The following FSTL4 variants were observed in gnomAD, a reference collection of about 807,000 sequenced individuals.
FSTL4 encodes the protein follistatin like 4, also known as follistatin-related protein 4.
A neutral mutation model predicts 78.2 loss-of-function variants in FSTL4; 28 were observed. That is an observed-to-expected ratio of 0.36 (90% CI 0.27 to 0.49). FSTL4 has a LOEUF of 0.49. Among genes scored for constraint, FSTL4 ranks in the 20% least tolerant of loss-of-function variants. FSTL4 has a pLI of 0.98. For synonymous variants in FSTL4, 422 were observed against 440.5 expected (o/e 0.96, Z 0.53); for missense variants, 922 against 1,084.9 (o/e 0.85, Z 2.11).
chr5:133,833,166 G>A, the FSTL4 span, among the ~76,000 whole-genome samples: 1 of 152,142 alleles, frequency 6.6e-6, no homozygotes. Flanking sequence ...GAGGAGCAGA[G>A]CCCACAGTCA....
intron 4 of FSTL4, among the ~76,000 whole-genome samples, chr5:133,343,242 G>A (rs1196403481): frequency 2.6e-5 from 4 of 152,212 alleles, no homozygotes; most frequent in African/African-American, 9.7e-5. Context: ...CTGTGAGGAG[G>A]ACAGAGGGAG....
intron 3 of FSTL4, among the ~76,000 whole-genome samples, chr5:133,513,617 A>G (rs78001359): frequency 1.9e-3 from 282 of 152,308 alleles, no homozygotes; most frequent in African/African-American, 6.6e-3. Context: ...TCAGCCATCC[A>G]CATGGACAGA....
At chr5:133,675,394 G>A in the FSTL4 span, among the ~76,000 whole-genome samples, 2 of 152,360 alleles carry the variant, frequency 1.3e-5, no homozygotes, top group Admixed American at 1.3e-4. Context: ...TTTTAAACCA[G>A]CCATTCTTTG....
chr5:133,761,768 T>C, the FSTL4 span, among the ~76,000 whole-genome samples: 4 of 152,222 alleles, frequency 2.6e-5, no homozygotes, highest in Non-Finnish European at 5.9e-5. Flanking sequence ...AAAGAGGCTG[T>C]AATGATGGCA....
intron 3 of FSTL4, among the ~76,000 whole-genome samples, chr5:133,446,877 T>C (rs995700140): frequency 6.6e-6 from 1 of 152,234 alleles, no homozygotes; most frequent in Non-Finnish European, 1.5e-5. Context: ...TCAGGCACTC[T>C]GACCATCCAT....
chr5:133,636,971 T>C, the FSTL4 span, among the ~76,000 whole-genome samples: 1 of 152,118 alleles, frequency 6.6e-6, no homozygotes, highest in African/African-American at 2.4e-5. Flanking sequence ...ACACAGCTGG[T>C]AAGGAACATA....
At chr5:133,268,544 C>T (rs1752693631) in intron 6 of FSTL4, among the ~76,000 whole-genome samples, 1 of 152,122 alleles carries the variant, frequency 6.6e-6, no homozygotes, top group Non-Finnish European at 1.5e-5. Flanking sequence ...TGGTGGAGGC[C>T]CGGCTCATTT....
At chr5:133,757,045 AT>A in the FSTL4 span, among the ~76,000 whole-genome samples, 1 of 152,264 alleles carries the variant, frequency 6.6e-6, no homozygotes, top group Non-Finnish European at 1.5e-5. Context: ...GCTTACAAGA[AT>A]CCTGGGCAAT....
intron 4 of FSTL4, among the ~76,000 whole-genome samples, chr5:133,332,723 GT>G (rs201166988): frequency 0.014 from 2,206 of 152,332 alleles, 71 homozygotes; most frequent in African/African-American, 0.049. Context: ...AAATCATCTG[GT>G]AAGTGAGGCT....
intron 3 of FSTL4, among the ~76,000 whole-genome samples, chr5:133,490,931 T>C (rs1318405245): frequency 1.3e-5 from 2 of 152,122 alleles, no homozygotes; most frequent in African/African-American, 2.4e-5. Context: ...AAAGGAACAA[T>C]AGACACCAGA....
At chr5:133,404,793 G>C (rs1325181137) in intron 3 of FSTL4, among the ~76,000 whole-genome samples, 4 of 152,194 alleles carry the variant, frequency 2.6e-5, no homozygotes, top group African/African-American at 4.8e-5. Flanking sequence ...CATCCACATG[G>C]AGCAGGAAGC....
chr5:133,423,205 C>A (rs1434063667), intron 3 of FSTL4, among the ~76,000 whole-genome samples: 1 of 152,226 alleles, frequency 6.6e-6, no homozygotes, highest in African/African-American at 2.4e-5. Context: ...TGTTTCCTGG[C>A]CCCTTTTGAC....
intron 8 of FSTL4, among the ~76,000 whole-genome samples, chr5:133,229,945 G>A (rs562256537): frequency 6.6e-6 from 1 of 152,326 alleles, no homozygotes; most frequent in Admixed American, 6.5e-5. Context: ...AGCTTTGGGA[G>A]CACAGGGACA....
At chr5:133,635,322 GCA>G in the FSTL4 span, among the ~76,000 whole-genome samples, 1 of 152,240 alleles carries the variant, frequency 6.6e-6, no homozygotes, top group Non-Finnish European at 1.5e-5. Context: ...CCTCCAGAGA[GCA>G]CTGCACTTAC....
chr5:133,609,131 C>T (rs1030318814), intron 1 of FSTL4, among the ~76,000 whole-genome samples: 3 of 152,136 alleles, frequency 2.0e-5, no homozygotes, highest in African/African-American at 7.2e-5. Context: ...ACAGAAATGG[C>T]TTCTTTTTGT....
chr5:133,232,993 G>A (rs1751539718), intron 8 of FSTL4, among the ~76,000 whole-genome samples: 1 of 152,232 alleles, frequency 6.6e-6, no homozygotes, highest in Admixed American at 6.5e-5. Context: ...AGGAAATAGA[G>A]CCTCCTAATT....
At chr5:133,790,054 T>C in the FSTL4 span, among the ~76,000 whole-genome samples, 14 of 152,064 alleles carry the variant, frequency 9.2e-5, no homozygotes, top group Non-Finnish European at 2.9e-5. Flanking sequence ...TTCTCCATGC[T>C]CTCCACCTCT....
chr5:133,456,257 C>T (rs1757485651), intron 3 of FSTL4, among the ~76,000 whole-genome samples: 1 of 152,218 alleles, frequency 6.6e-6, no homozygotes, highest in Non-Finnish European at 1.5e-5. Context: ...GCCCAAACCT[C>T]CTGGTGGGTG....
intron 7 of FSTL4, chr5:133,247,675 A>C (rs1752082923): frequency 6.6e-6 from 1 of 152,294 alleles, no homozygotes. Flanking sequence ...CAGAAAATGA[A>C]GGGTTCTGCC....
Sources: gnomAD v4.1 joint callset for allele counts (sites outside exome capture counted in the v4.1 genomes callset) on GRCh38, gnomAD v4.1.1 for gene constraint, MANE v1.5 for transcripts, NCBI Gene and HGNC (gene_info 2026-07-23, HGNC 2026-07-21) for gene names.